MYSM1: variants seen among roughly 807,000 people sequenced by gnomAD.
MYSM1 encodes Myb like, SWIRM and MPN domains 1.
Under a neutral mutation model 116.0 loss-of-function variants are expected in MYSM1, and 51 were observed. That is an observed-to-expected ratio of 0.44 (90% CI 0.35 to 0.56). The LOEUF is 0.56. Ranked by LOEUF, MYSM1 falls within the 20% of genes least tolerant of loss-of-function variation. MYSM1 has a pLI of 0.00. For synonymous variants in MYSM1, 313 were observed against 315.2 expected, an observed-to-expected ratio of 0.99 and a Z score of 0.07; for missense variants, 900 against 974.9, an observed-to-expected ratio of 0.92 and a Z score of 1.02.
At position 58,660,010 on chromosome 1, in the gene MYSM1, T is replaced by G; in HGVS notation, c.2474A>C (p.Glu825Ala). 1 of 1,561,758 alleles carries G rather than the reference T, an allele frequency of 6.4e-7. No homozygotes were observed. The highest frequency in any genetic ancestry group is 8.7e-7 in the Non-Finnish European group (1 of 1,154,394). ...ACTTTAAAATAATCACATTAACAAT[T>G]CCTTTGTACAGTTCTCTTCGGTTAC... is the stretch of plus-strand genomic sequence containing the variant. ...NGVTEENCTK[E>A]LLM Residue 825 changes from glutamate to alanine, a missense_variant, in exon 20 of 20, where the codon GAA (glutamate) becomes GCA (alanine). Around this residue, in one of 3 missense-constraint regions of MYSM1, gnomAD observed 186 missense variants for 196.2 expected, o/e 0.95. Transcript: ENST00000472487.
In MYSM1 at chr1:58,688,647, C is replaced by A. The variant is rs193216038; in HGVS notation, c.399+391G>T. Among the ~76,000 whole-genome samples, 1,009 of 151,614 alleles carry A rather than the reference C, an allele frequency of 6.7e-3. 5 individuals carry two copies. The highest frequency in any genetic ancestry group is 0.019 in the East Asian group (99 of 5,154). Reference sequence around the variant, plus strand: ...ATGCCAAATTATCTGAATAAAAACTCAGCTGATCACCCCAACAGTTTCAAA... The same window carrying A: ...ATGCCAAATTATCTGAATAAAAACTAAGCTGATCACCCCAACAGTTTCAAA... On this transcript the variant is annotated intron_variant, in intron 6 of 19. Coordinates refer to ENST00000472487, the MANE Select transcript of MYSM1 (RefSeq NM_001085487.3).
Position 58,692,865 on chromosome 1 carries a change from C to T in MYSM1, c.214G>A (p.Glu72Lys), listed in dbSNP as rs1428817070. The T allele has an allele frequency of 6.2e-7, 1 of 1,608,272 alleles. No individual in the cohort carries two copies. ...CTCATAATCATTAAAGGATACTCTTCTTCCAACAACATTTTCTCAATAACA... is the reference window on the plus strand; with the variant it reads ...CTCATAATCATTAAAGGATACTCTTTTTCCAACAACATTTTCTCAATAACA... ...RAVIEKMLLE[E>K]EYYLSKKSQP... The change falls in exon 3 of 20, where the codon GAA becomes AAA. Residue 72 changes from glutamate (E) to lysine (K), a missense_variant. Glu to Lys is a moderately conservative substitution (Grantham distance 56). This residue lies in a region of MYSM1 where 622 missense variants were observed against 623.7 expected (regional missense o/e 1.00). Coordinates refer to ENST00000472487, the MANE Select transcript of MYSM1 (RefSeq NM_001085487.3).
In MYSM1 at chr1:58,662,461, C is replaced by CG. The variant is rs746815261; in HGVS notation, c.2165-951_2165-950insC. ...AAGTAGCTGCCATTATTCACCCCCC[C>CG]CTTTTTTTTTTTTCGATGAGGACAC... On this transcript the variant is annotated intron_variant, in intron 17 of 19. Transcript: ENST00000472487. Among the ~76,000 whole-genome samples, 917 of 119,276 alleles carry CG rather than the reference C, an allele frequency of 7.7e-3. 7 individuals carry two copies. The highest frequency in any genetic ancestry group is 0.026 in the Middle Eastern group (6 of 234). The allele number at this position is 119,276 out of a possible 152,430, so 78.2% of individuals were successfully genotyped here.
chr1:58,666,881 A>AT (rs1557506864), intron 16 of MYSM1, among the ~76,000 whole-genome samples, 157 bp downstream of exon 16: 78 of 150,716 alleles, frequency 5.2e-4, no homozygotes, highest in South Asian at 1.0e-3. Flanking sequence ...TCTCAAAAAA[A>AT]AAATAATAAT....
intron 8 of MYSM1, among the ~76,000 whole-genome samples, chr1:58,679,818 A>G (rs1431681197): frequency 6.6e-6 from 1 of 151,738 alleles, no homozygotes; most frequent in East Asian, 1.9e-4. Context: ...ACCTGAGGTC[A>G]GGAGTTCTAG....
intron 1 of MYSM1, among the ~76,000 whole-genome samples, chr1:58,699,316 G>A (rs1645028885): frequency 6.6e-6 from 1 of 152,180 alleles, no homozygotes; most frequent in African/African-American, 2.4e-5. Flanking sequence ...GGCACCTACC[G>A]TATGCTAAAG....
Position 58,659,972 on chromosome 1 carries a change from T to C in MYSM1, c.*25A>G, listed in dbSNP as rs1317667516. On this transcript the variant is annotated 3_prime_UTR_variant, in exon 20 of 20. Transcript: ENST00000472487. ...GAAAGTAAGATCTACTGTGTCAAGA[T>C]TAAAATGTCTTAACTTTAAAATAAT... 1 of 1,394,336 alleles carries C rather than the reference T, an allele frequency of 7.2e-7. No homozygotes were observed. The highest frequency in any genetic ancestry group is 2.6e-5 in the East Asian group (1 of 39,190). 86.4% of individuals were successfully genotyped at this position (1,394,336 alleles called of 1,614,324 possible). A position where few individuals can be genotyped will look rare whatever the true frequency, so the allele number is the denominator to read the frequency against.
At position 58,698,102 on chromosome 1, in the gene MYSM1, A is replaced by ATTTTTTTTTT. The variant is rs1553140002; in HGVS notation, c.68+1873_68+1882dup. Among the ~76,000 whole-genome samples, 3 of 7,768 alleles carry ATTTTTTTTTT rather than the reference A, an allele frequency of 3.9e-4. 1 individual carries two copies. The highest frequency in any genetic ancestry group is 7.7e-4 in the African/African-American group (3 of 3,890). 5.1% of individuals were successfully genotyped at this position (7,768 alleles called of 152,430 possible). A position where few individuals can be genotyped will look rare whatever the true frequency, so the allele number is the denominator to read the frequency against. On this transcript the variant is annotated intron_variant, in intron 1 of 19. Coordinates refer to ENST00000472487, the MANE Select transcript of MYSM1 (RefSeq NM_001085487.3). ...TATCAGACTATATATATATATATAT[A>ATTTTTTTTTT]TTTTTTTTTTTTTTTTGAGACAGAG... is the stretch of plus-strand genomic sequence containing the variant.
At chr1:58,699,645 T>C (rs1300679638) in intron 1 of MYSM1, 1 of 985,290 alleles carries the variant, frequency 1.0e-6, no homozygotes. Flanking sequence ...CCGTAGCCGC[T>C]CTTGTTCTAG....
At chr1:58,669,493 G>C (rs1644523506) in intron 12 of MYSM1, among the ~76,000 whole-genome samples, 1 of 152,098 alleles carries the variant, frequency 6.6e-6, no homozygotes, top group South Asian at 2.1e-4. Flanking sequence ...AAACAGTTCT[G>C]GTAAAGATAT....
chr1:58,669,240 T>G (rs1367044549), intron 12 of MYSM1, among the ~76,000 whole-genome samples: 1 of 151,786 alleles, frequency 6.6e-6, no homozygotes, highest in Non-Finnish European at 1.5e-5. Context: ...CCCAGGAACT[T>G]TGAGATAAAG....
At chr1:58,685,967 A>T (rs910359782) in intron 6 of MYSM1, among the ~76,000 whole-genome samples, 3 of 152,148 alleles carry the variant, frequency 2.0e-5, no homozygotes, top group African/African-American at 7.2e-5. Flanking sequence ...TCACTCTGTT[A>T]CCCAGGCTGA....
At position 58,659,684 on chromosome 1, in the gene MYSM1, C is replaced by A; in HGVS notation, c.*313G>T. ...GTTCAGGGAAGAAATGACTTAGAGA[C>A]ATAGTCCAAATCCCAAGCTGAACAC... On this transcript the variant is annotated 3_prime_UTR_variant, in exon 20 of 20. Coordinates refer to ENST00000472487, the MANE Select transcript of MYSM1 (RefSeq NM_001085487.3). 5.4e-6 allele frequency: 1 copy of A among 185,770 alleles called. No individual in the cohort carries two copies. The highest frequency in any genetic ancestry group is 1.1e-5 in the Non-Finnish European group (1 of 91,114). The allele number at this position is 185,770 out of a possible 1,614,324, so 11.5% of individuals were successfully genotyped here.
At chr1:58,699,156 C>T (rs1569821744) in intron 1 of MYSM1, among the ~76,000 whole-genome samples, 1 of 152,088 alleles carries the variant, frequency 6.6e-6, no homozygotes, top group Non-Finnish European at 1.5e-5. Context: ...ATTTTTGATT[C>T]AGAAAGCAAG....
At position 58,673,608 on chromosome 1, in the gene MYSM1, A is replaced by G. The variant is rs763504196; in HGVS notation, c.1537T>C (p.Cys513Arg). The change falls in exon 11 of 20, where the codon TGT (cysteine) becomes CGT (arginine). Residue 513 changes from cysteine to arginine, a missense_variant. This residue lies in a region of MYSM1 where 622 missense variants were observed against 623.7 expected (regional missense o/e 1.00). Transcript: ENST00000472487. ...TGTCCTTCTAAGTCCTTTGCATCAC[A>G]CCAGTTTCCCCATGGGTCTCGGACC... ...RRVRDPWGNW[C>R]DAKDLEGQTF... 35 of 1,613,998 alleles carry G rather than the reference A, an allele frequency of 2.2e-5. No individual in the cohort carries two copies. Among genetic ancestry groups the G allele is most frequent in the Non-Finnish European group, 2.8e-5 (33 of 1,179,980 alleles).
chr1:58,695,361 C>T (rs1475934320), intron 1 of MYSM1, among the ~76,000 whole-genome samples, 154 bp from the exon 2 acceptor site: 1 of 152,152 alleles, frequency 6.6e-6, no homozygotes, highest in Admixed American at 6.5e-5. Context: ...TGTGGAAATG[C>T]CTGCTCTACC....
chr1:58,695,656 G>GAA (rs1644963478), intron 1 of MYSM1, among the ~76,000 whole-genome samples: 1 of 106,402 alleles, frequency 9.4e-6, no homozygotes. Flanking sequence ...CCTATAAAAT[G>GAA]AAAGAAAAAA....
chr1:58,680,681 G>A (rs1319591143), intron 8 of MYSM1, among the ~76,000 whole-genome samples: 1 of 152,136 alleles, frequency 6.6e-6, no homozygotes, highest in African/African-American at 2.4e-5. Flanking sequence ...AATAGCAATA[G>A]GACAGGAAGG....
intron 12 of MYSM1, among the ~76,000 whole-genome samples, chr1:58,669,611 G>A (rs1484735414): frequency 6.6e-6 from 1 of 151,990 alleles, no homozygotes; most frequent in East Asian, 1.9e-4. Flanking sequence ...CAGACCCCTT[G>A]AGCCTAGGAG....
Sources: gnomAD v4.1 joint callset for allele counts (sites outside exome capture counted in the v4.1 genomes callset) on GRCh38, gnomAD v4.1.1 for gene constraint, gnomAD v4.1.1 regional missense constraint, MANE v1.5 for transcripts, NCBI Gene and HGNC (gene_info 2026-07-23, HGNC 2026-07-21) for gene names.